Variants in CCNL1 observed in about 807,000 individuals in gnomAD.
The protein encoded by CCNL1 is cyclin L1.
In CCNL1, 13 loss-of-function variants were observed where a neutral mutation model predicts 60.6. That is an observed-to-expected ratio of 0.21 (90% CI 0.14 to 0.34). CCNL1 has a LOEUF of 0.34. Ranked by LOEUF, CCNL1 falls within the 10% of genes least tolerant of loss-of-function variation. The probability of loss-of-function intolerance (pLI) is 1.00; values close to 1 mark genes in which losing one functional copy is unlikely to be tolerated. For synonymous variants in CCNL1, 270 were observed against 244.3 expected, an observed-to-expected ratio of 1.10 and a Z score of -0.98; for missense variants, 481 against 664.3, an observed-to-expected ratio of 0.72 and a Z score of 3.03.
intron 2 of CCNL1, chr3:157,159,181 T>C (rs767918776): frequency 7.9e-6 from 5 of 630,030 alleles, no homozygotes; most frequent in Non-Finnish European, 1.4e-5. Flanking sequence ...CTTACAGGAG[T>C]TCTGCATTTG....
In CCNL1 at chr3:157,148,224, C is replaced by T. The variant is rs780626373; in HGVS notation, c.*17G>A. On this transcript the variant is annotated 3_prime_UTR_variant, in exon 11 of 11. Transcript: ENST00000295926. ...AGGCAAAACCAAGAACTGATGCAGG[C>T]TCAAAGGAAGAGAAAGTCAGCGCCT... 3.7e-6 allele frequency: 6 copies of T among 1,605,892 alleles called. No individual in the cohort carries two copies. The African/African-American group carries it at 8.0e-5, about 22-fold the overall frequency.
In CCNL1 at chr3:157,159,903, G is replaced by A. The variant is rs1738954750; in HGVS notation, c.192C>T (p.Leu64=). ...IDHSLIPEER[L]SPTPSMQDGL... is the part of the protein sequence containing the mutation. ...CATCCTGCATGGATGGGGTGGGCGAGAGCCTCTCCTCCGGAATCAGAGAGT... is the reference window on the plus strand; with the variant it reads ...CATCCTGCATGGATGGGGTGGGCGAAAGCCTCTCCTCCGGAATCAGAGAGT... The change falls in exon 1 of 11, where the codon CTC becomes CTT. Residue 64 remains leucine, a synonymous_variant. Transcript: ENST00000295926. 1 of 1,606,096 alleles carries A rather than the reference G, an allele frequency of 6.2e-7. No individual in the cohort carries two copies. The highest frequency in any genetic ancestry group is 8.5e-7 in the Non-Finnish European group (1 of 1,176,280).
At chr3:157,159,346 C>G in intron 2 of CCNL1, 59 bp downstream of exon 2, 4 of 1,501,444 alleles carry the variant, frequency 2.7e-6, no homozygotes, top group Non-Finnish European at 3.7e-6. Context: ...CTGACACTAC[C>G]CCTACTCTGC....
At chr3:157,152,979 A>C (rs982651875) in intron 4 of CCNL1, 57 bp downstream of exon 4, 2 of 1,584,976 alleles carry the variant, frequency 1.3e-6, no homozygotes, top group Admixed American at 1.9e-5. Flanking sequence ...ATATAAAATA[A>C]AATTTTTAGA....
chr3:157,159,365 G>A (rs1184085591), intron 2 of CCNL1, 40 bp downstream of exon 2: 2 of 1,592,682 alleles, frequency 1.3e-6, no homozygotes, highest in Non-Finnish European at 1.7e-6. Flanking sequence ...GCCCATTTCC[G>A]GATGAAGAAA....
intron 5 of CCNL1, chr3:157,151,840 G>T: frequency 8.6e-7 from 1 of 1,164,072 alleles, no homozygotes; most frequent in Non-Finnish European, 1.1e-6. Context: ...CACTGGATTG[G>T]CTGGAGAGCA....
chr3:157,146,089 A>C (rs1444965214), downstream of CCNL1, among the ~76,000 whole-genome samples: 1 of 152,212 alleles, frequency 6.6e-6, no homozygotes, highest in Non-Finnish European at 1.5e-5. Flanking sequence ...CTTTACTTGT[A>C]TGGGATTTTC....
At position 157,150,404 on chromosome 3, in the gene CCNL1, G is replaced by A. The variant is rs371652777; in HGVS notation, c.675-23C>T. 8 of 1,608,784 alleles carry A rather than the reference G, an allele frequency of 5.0e-6. No individual in the cohort carries two copies. The Admixed American group carries it at 5.0e-5, about 10-fold the overall frequency. On this transcript the variant is annotated intron_variant, in intron 5 of 10. Transcript: ENST00000295926. ...TTCCTGAAAAATATTTCAACTATAA[G>A]CTTGCATGTAAACAAACCAGTTCTT...
intron 3 of CCNL1, chr3:157,156,793 T>C (rs1252647253): frequency 3.9e-6 from 2 of 515,158 alleles, no homozygotes; most frequent in African/African-American, 2.0e-5. Flanking sequence ...ACCTAACCAA[T>C]GTATAATACT....
At chr3:157,153,328 T>C (rs1034309172) in intron 3 of CCNL1, 172 bp from the exon 4 acceptor site, 24 of 554,890 alleles carry the variant, frequency 4.3e-5, no homozygotes, top group Admixed American at 1.0e-4. Flanking sequence ...GCTAATTAAA[T>C]ATATACATCT....
intron 4 of CCNL1, 138 bp downstream of exon 4, chr3:157,152,898 C>T (rs959614457): frequency 4.1e-5 from 58 of 1,423,852 alleles, no homozygotes; most frequent in African/African-American, 5.9e-5. Flanking sequence ...GAATGTTTTT[C>T]GATGAAGCCT....
At chr3:157,156,792 A>T (rs777610045) in intron 3 of CCNL1, 1 of 523,566 alleles carries the variant, frequency 1.9e-6, no homozygotes, top group Non-Finnish European at 3.0e-6. Flanking sequence ...TACCTAACCA[A>T]TGTATAATAC....
At position 157,151,425 on chromosome 3, in the gene CCNL1, A is replaced by G. The variant is rs187151285; in HGVS notation, c.674+752T>C. 69 of 985,884 alleles carry G rather than the reference A, an allele frequency of 7.0e-5. 1 individual carries two copies. The East Asian group carries it at 7.0e-3, about 100-fold the overall frequency. 61.1% of individuals were successfully genotyped at this position (985,884 alleles called of 1,614,324 possible). A position where few individuals can be genotyped will look rare whatever the true frequency, so the allele number is the denominator to read the frequency against. On this transcript the variant is annotated intron_variant, in intron 5 of 10. Transcript: ENST00000295926. ...AGAAGTCCAAGTGCTAAAGCATTTA[A>G]GCAATATTATAGTAACATCTCTTTT...
chr3:157,148,381 G>C lies in CCNL1; in HGVS notation c.1441C>G (p.His481Asp). The stretch of plus-strand genomic sequence containing the variant: ...CTGTGTTTCTTGGCTGCATCTGAGT[G>C]ATCCCGAGACTTGCTCTGAGATCGA... ...RSRSQSKSRD[H>D]SDAAKKHRHE... is the part of the protein sequence containing the mutation. The change falls in exon 11 of 11, where the codon CAC becomes GAC. Residue 481 changes from histidine to aspartate, a missense_variant. By Grantham distance (81) the His-to-Asp change is moderately conservative. This residue lies in a region of CCNL1 where 197 missense variants were observed against 233.9 expected (regional missense o/e 0.84). Coordinates refer to ENST00000295926, the MANE Select transcript of CCNL1 (RefSeq NM_020307.4). 2 of 1,614,176 alleles carry C rather than the reference G, an allele frequency of 1.2e-6. No individual in the cohort carries two copies. The highest frequency in any genetic ancestry group is 1.7e-6 in the Non-Finnish European group (2 of 1,180,026).
intron 3 of CCNL1, among the ~76,000 whole-genome samples, chr3:157,155,901 A>C (rs143392152): frequency 1.3e-5 from 2 of 152,188 alleles, no homozygotes; most frequent in Non-Finnish European, 2.9e-5. Flanking sequence ...ATCAACACAC[A>C]AACTAACTCA....
At chr3:157,159,582 G>T in intron 1 of CCNL1, 103 bp from the exon 2 acceptor site, 1 of 1,152,166 alleles carries the variant, frequency 8.7e-7, no homozygotes, top group Non-Finnish European at 1.3e-6. Flanking sequence ...CCCTCCCGCC[G>T]CCGCCGCCGC....
intron 4 of CCNL1, 93 bp from the exon 5 acceptor site, chr3:157,152,334 A>C: frequency 3.2e-6 from 5 of 1,540,060 alleles, no homozygotes; most frequent in Middle Eastern, 1.9e-4. Context: ...TGTTAGACTC[A>C]AGTTCTAATT....
chr3:157,159,677 G>A (rs1250014021), intron 1 of CCNL1, 115 bp downstream of exon 1: 15 of 1,147,802 alleles, frequency 1.3e-5, no homozygotes, highest in Non-Finnish European at 1.7e-5. Context: ...GCCCCGAACG[G>A]GAAAGCCTGA....
intron 3 of CCNL1, chr3:157,153,756 G>T (rs1005196968): frequency 2.0e-5 from 3 of 151,986 alleles, no homozygotes; most frequent in African/African-American, 7.2e-5. Context: ...TCAAAAGTTG[G>T]GGGGGGTGGG....
Sources: allele counts gnomAD v4.1 joint callset (sites outside exome capture counted in the v4.1 genomes callset), GRCh38; gene constraint gnomAD v4.1.1; regional missense constraint gnomAD v4.1.1; transcripts MANE v1.5; gene names NCBI Gene and HGNC (gene_info 2026-07-23, HGNC 2026-07-21).